Variants in ZP2 observed in about 807,000 individuals in gnomAD.
The protein encoded by ZP2 is zona pellucida glycoprotein 2, also known as zona pellucida sperm-binding protein 2.
Under a neutral mutation model 84.0 loss-of-function variants are expected in ZP2, and 51 were observed. The ratio of observed to expected loss-of-function variants is 0.61; its 90% CI spans 0.49 to 0.77. The LOEUF is 0.77. Ranked by LOEUF, ZP2 falls within the 30% of genes least tolerant of loss-of-function variation. The pLI, the probability that ZP2 is intolerant of heterozygous loss-of-function variation, is 0.00. For synonymous variants in ZP2, 375 were observed against 330.9 expected (o/e 1.13, Z -1.45); for missense variants, 909 against 911.9 (o/e 1.00, Z 0.04).
rs1012034057 is a variant in ZP2, at chr16:21,204,043, A to G, written c.959T>C (p.Leu320Pro). The G allele has an allele frequency of 9.9e-6, 16 of 1,613,620 alleles. No homozygotes were observed. Among genetic ancestry groups the G allele is most frequent in the Non-Finnish European group, 1.4e-5 (16 of 1,180,004 alleles). Residue 320 changes from leucine (L) to proline (P), a missense_variant, in exon 9 of 19, where the codon CTG becomes CCG. Physicochemically the swap from Leu to Pro is moderately conservative, Grantham distance 98 (BLOSUM62 -3). Transcript: ENST00000574091. ...AATTGAACATACTTTCGTTTTGAGC[A>G]GAGTTTTGCTGAAATGCAATTTCAT... ...NGMKLHFSKT[L>P]LKTKLSEKCL... is the part of the protein sequence containing the mutation.
In ZP2 at chr16:21,206,914, A is replaced by C; in HGVS notation, c.407T>G (p.Phe136Cys). ...ALRHGAVMYQ[F>C]FCPAMQVEET... Reference sequence around the variant, plus strand: ...TTCTACTTGCATAGCTGGACAGAAGAACTGATACATGACAGCTCCGTGTCT... The same window carrying C: ...TTCTACTTGCATAGCTGGACAGAAGCACTGATACATGACAGCTCCGTGTCT... The change falls in exon 5 of 19, where the codon TTC becomes TGC. Residue 136 changes from phenylalanine (F) to cysteine (C), a missense_variant. Transcript: ENST00000574091. 6.2e-7 allele frequency: 1 copy of C among 1,614,152 alleles called. No homozygotes were observed. The highest frequency in any genetic ancestry group is 8.5e-7 in the Non-Finnish European group (1 of 1,180,014).
upstream of ZP2, among the ~76,000 whole-genome samples, chr16:21,213,677 T>C (rs116425550): frequency 7.2e-3 from 1,098 of 152,302 alleles, 15 homozygotes; most frequent in African/African-American, 0.023. Context: ...TGGTGGCCAG[T>C]GGTTAACCTC....
At chr16:21,201,272 G>T in intron 14 of ZP2, 97 bp downstream of exon 14, 1 of 1,088,736 alleles carries the variant, frequency 9.2e-7, no homozygotes, top group Non-Finnish European at 1.3e-6. Flanking sequence ...GATCTCACAT[G>T]ACTGAATGCT....
At chr16:21,209,206 GCC>G (rs1436646681) in intron 4 of ZP2, among the ~76,000 whole-genome samples, 44 of 152,232 alleles carry the variant, frequency 2.9e-4, no homozygotes, top group African/African-American at 1.0e-3. Flanking sequence ...TGCTCTTGTT[GCC>G]CAGGCTGGAG....
At chr16:21,205,344 C>T (rs2093244495) in intron 7 of ZP2, 76 bp downstream of exon 7, 29 of 1,529,898 alleles carry the variant, frequency 1.9e-5, no homozygotes, top group Non-Finnish European at 2.6e-5. Flanking sequence ...AATGTGAAGA[C>T]ATGGTTGAGA....
In ZP2 at chr16:21,201,487, T is replaced by A; in HGVS notation, c.1576A>T (p.Met526Leu). 1 of 1,613,814 alleles carries A rather than the reference T, an allele frequency of 6.2e-7. No individual in the cohort carries two copies. Among genetic ancestry groups the A allele is most frequent in the Admixed American group, 1.7e-5 (1 of 59,962 alleles). The change falls in exon 14 of 19, where the codon ATG becomes TTG. Residue 526 changes from methionine (M) to leucine (L), a missense_variant. Physicochemically the swap from Met to Leu is conservative, Grantham distance 15. Coordinates refer to ENST00000574091, the MANE Select transcript of ZP2 (RefSeq NM_001376232.1). ...LVRFLRQPIY[M>L]EVRVLNRDDP... Reference sequence around the variant, plus strand: ...TCCCTGTTTAGGACTCTCACTTCCATGTAAATTGGTTGGCGGAGGAATCTC... The same window carrying A: ...TCCCTGTTTAGGACTCTCACTTCCAAGTAAATTGGTTGGCGGAGGAATCTC...
At chr16:21,210,353 A>G (rs1276105911) in intron 2 of ZP2, among the ~76,000 whole-genome samples, 161 bp from the exon 3 acceptor site, 1 of 152,106 alleles carries the variant, frequency 6.6e-6, no homozygotes, top group Non-Finnish European at 1.5e-5. Context: ...AGACAACAAT[A>G]CAATATGCCA....
chr16:21,205,285 C>A (rs528271700), intron 7 of ZP2, 135 bp downstream of exon 7: 88 of 1,024,850 alleles, frequency 8.6e-5, no homozygotes, highest in Middle Eastern at 3.2e-4. Flanking sequence ...GAATACCCAG[C>A]GAAGTGTTTG....
Position 21,209,708 on chromosome 16 carries a change from T to C in ZP2, c.253A>G (p.Met85Val). 1 of 1,614,172 alleles carries C rather than the reference T, an allele frequency of 6.2e-7. No individual in the cohort carries two copies. Among genetic ancestry groups the C allele is most frequent in the Non-Finnish European group, 8.5e-7 (1 of 1,180,002 alleles). The stretch of plus-strand genomic sequence containing the variant: ...TCCAGGATGTAAGTGCAGTTCGGCA[T>C]GTCGAGACCAAGAGGATCTGCCAAG... ...ASVVDPLGLDMPNCTYILDPE... is the reference protein window; with the variant it reads ...ASVVDPLGLDVPNCTYILDPE... Residue 85 changes from methionine (M) to valine (V), a missense_variant, in exon 4 of 19, where the codon ATG (methionine) becomes GTG (valine). Met to Val is a conservative substitution (Grantham distance 21). Coordinates refer to ENST00000574091, the MANE Select transcript of ZP2 (RefSeq NM_001376232.1).
intron 10 of ZP2, 24 bp downstream of exon 10, chr16:21,203,101 A>C: frequency 1.2e-6 from 2 of 1,607,292 alleles, no homozygotes; most frequent in Non-Finnish European, 1.7e-6. Flanking sequence ...AAGGTAGAAC[A>C]TGATTTTAAT....
In ZP2 at chr16:21,210,123, T is replaced by C. The variant is rs367878569; in HGVS notation, c.221A>G (p.His74Arg). 5.0e-6 allele frequency: 8 copies of C among 1,613,882 alleles called. No homozygotes were observed. Among genetic ancestry groups the C allele is most frequent in the Non-Finnish European group, 5.9e-6 (7 of 1,179,958 alleles). Reference protein sequence around the residue: ...FPSSPGTKKWHASVVDPLGLD... With the variant: ...FPSSPGTKKWRASVVDPLGLD... ...ACGTTACCTACCCACCACAGATGCATGCCATTTCTTGGTGCCAGGACTGCT... is the reference window on the plus strand; with the variant it reads ...ACGTTACCTACCCACCACAGATGCACGCCATTTCTTGGTGCCAGGACTGCT... The change falls in exon 3 of 19, where the codon CAT (histidine) becomes CGT (arginine). Residue 74 changes from histidine to arginine, a missense_variant. Coordinates refer to ENST00000574091, the MANE Select transcript of ZP2 (RefSeq NM_001376232.1).
chr16:21,199,901 G>A (rs989036711), intron 14 of ZP2, 23 bp from the exon 15 acceptor site: 1 of 1,611,596 alleles, frequency 6.2e-7, no homozygotes, highest in Non-Finnish European at 8.5e-7. Flanking sequence ...CACCAGGGAG[G>A]GATGTCAGTC....
Position 21,199,837 on chromosome 16 carries a change from G to A in ZP2, c.1736C>T (p.Pro579Leu), listed in dbSNP as rs1257299574. 1 of 1,613,260 alleles carries A rather than the reference G, an allele frequency of 6.2e-7. No homozygotes were observed. Among genetic ancestry groups the A allele is most frequent in the Non-Finnish European group, 8.5e-7 (1 of 1,180,022 alleles). ...AGGATGGGTCACAGAGGAGCCGACT[G>A]GATGGAAGGTGGTCTGGTAGTTGTC... ...DLDNYQTTFH[P>L]VGSSVTHPDH... Residue 579 changes from proline (P) to leucine (L), a missense_variant, in exon 15 of 19, where the codon CCA becomes CTA. By Grantham distance (98) the Pro-to-Leu change is moderately conservative. Coordinates refer to ENST00000574091, the MANE Select transcript of ZP2 (RefSeq NM_001376232.1).
At chr16:21,203,666 G>C (rs2093236435) in intron 9 of ZP2, 1 of 354,660 alleles carries the variant, frequency 2.8e-6, no homozygotes, top group African/African-American at 2.1e-5. Context: ...AACCTCAACA[G>C]CAACAGTACG....
At chr16:21,210,864 G>A (rs113505946) in intron 2 of ZP2, among the ~76,000 whole-genome samples, 1,823 of 150,678 alleles carry the variant, frequency 0.012, 36 homozygotes, top group African/African-American at 0.042. Flanking sequence ...CGTGAGCCCC[G>A]GCGCCTGGCT....
chr16:21,208,594 T>TA (rs1411363046), intron 4 of ZP2, among the ~76,000 whole-genome samples: 2 of 152,230 alleles, frequency 1.3e-5, no homozygotes, highest in Non-Finnish European at 2.9e-5. Flanking sequence ...AGCTTCTGCT[T>TA]AGACAGGTTG....
chr16:21,201,470 T>G lies in ZP2; in HGVS notation c.1593A>C (p.Leu531=), dbSNP rs147707945. 2 of 1,613,738 alleles carry G rather than the reference T, an allele frequency of 1.2e-6. No individual in the cohort carries two copies. The highest frequency in any genetic ancestry group is 1.7e-6 in the Non-Finnish European group (2 of 1,179,914). ...RQPIYMEVRV[L]NRDDPNIKLV... ...GCTTGATGTTGGGGTCATCCCTGTT[T>G]AGGACTCTCACTTCCATGTAAATTG... is the stretch of plus-strand genomic sequence containing the variant. Residue 531 remains leucine, a synonymous_variant, in exon 14 of 19, where the codon CTA becomes CTC. Coordinates refer to ENST00000574091, the MANE Select transcript of ZP2 (RefSeq NM_001376232.1).
At chr16:21,198,236 A>G (rs1325535638) in intron 17 of ZP2, among the ~76,000 whole-genome samples, 1 of 151,892 alleles carries the variant, frequency 6.6e-6, no homozygotes, top group African/African-American at 2.4e-5. Flanking sequence ...CTCTACTAAA[A>G]ATAATAAAAT....
intron 16 of ZP2, 31 bp from the exon 17 acceptor site, chr16:21,198,893 C>T (rs1284635874): frequency 1.9e-6 from 3 of 1,597,604 alleles, no homozygotes; most frequent in East Asian, 4.5e-5. Context: ...TTGTGTTTGG[C>T]CTCTGGAATA....
Sources: gnomAD v4.1 joint callset for allele counts (sites outside exome capture counted in the v4.1 genomes callset) on GRCh38, gnomAD v4.1.1 for gene constraint, MANE v1.5 for transcripts, NCBI Gene and HGNC (gene_info 2026-07-23, HGNC 2026-07-21) for gene names.